The following WDR72 variants were observed in gnomAD, a reference collection of about 807,000 sequenced individuals.
WDR72 encodes the protein WD repeat domain 72.
In WDR72, 120 loss-of-function variants were observed where a neutral mutation model predicts 124.2. The observed-to-expected ratio is 0.97, with a 90% CI of 0.83 to 1.12. The LOEUF (loss-of-function observed/expected upper bound fraction) is 1.12. Among genes scored for constraint, WDR72 ranks in the 50% most tolerant of loss-of-function variants. WDR72 has a pLI of 0.00. For synonymous variants in WDR72, 452 were observed against 441.7 expected (o/e 1.02, Z -0.29); for missense variants, 1,387 against 1,278.8 (o/e 1.08, Z -1.29).
At chr15:53,746,407 C>A (rs1484193804) in intron 1 of WDR72, among the ~76,000 whole-genome samples, 1 of 152,138 alleles carries the variant, frequency 6.6e-6, no homozygotes, top group Non-Finnish European at 1.5e-5. Flanking sequence ...TGACTGAGGA[C>A]AGCCCACTAG....
chr15:53,719,384 C>T (rs2017808396), intron 3 of WDR72, among the ~76,000 whole-genome samples: 1 of 152,128 alleles, frequency 6.6e-6, no homozygotes, highest in African/African-American at 2.4e-5. Context: ...TCACTCTCTT[C>T]CTGGGTAAGT....
Position 53,597,242 on chromosome 15 carries a change from C to T in WDR72, c.2985G>A (p.Ala995=), listed in dbSNP as rs745403939. Residue 995 remains alanine (A), a synonymous_variant, in exon 18 of 20, where the codon GCG becomes GCA. Coordinates refer to ENST00000360509, the MANE Select transcript of WDR72 (RefSeq NM_182758.4). ...VTEAIQAVLL[A]EVQQHMKSLG... ...AACTCTTCATGTGTTGTTGAACTTC[C>T]GCCAAGAGAACAGCTTGTATTGCTT... The T allele has an allele frequency of 4.0e-5, 65 of 1,613,562 alleles. 1 individual carries two copies. Among genetic ancestry groups the T allele is most frequent in the South Asian group, 3.1e-4 (28 of 91,050 alleles).
At chr15:53,757,229 A>G (rs7164670) in intron 1 of WDR72, among the ~76,000 whole-genome samples, 75,362 of 151,958 alleles carry the variant, frequency 0.5, 20,185 homozygotes, top group Middle Eastern at 0.65. Context: ...AATTCAGCCT[A>G]GAGAAGAACT....
At chr15:53,698,509 T>C (rs1306421216) in intron 13 of WDR72, among the ~76,000 whole-genome samples, 1 of 152,234 alleles carries the variant, frequency 6.6e-6, no homozygotes, top group African/African-American at 2.4e-5. Flanking sequence ...TTAGCTCATT[T>C]AATCCTGATA....
At chr15:53,648,194 A>G (rs2015110380) in intron 14 of WDR72, among the ~76,000 whole-genome samples, 1 of 152,160 alleles carries the variant, frequency 6.6e-6, no homozygotes, top group Admixed American at 6.6e-5. Flanking sequence ...AAATTCATTA[A>G]TAAGCCAAAT....
At chr15:53,698,991 C>A (rs916732715) in intron 13 of WDR72, among the ~76,000 whole-genome samples, 1 of 152,108 alleles carries the variant, frequency 6.6e-6, no homozygotes, top group Admixed American at 6.6e-5. Flanking sequence ...AAGAAAATAG[C>A]AATTATTTTG....
chr15:53,751,644 C>T (rs749436174), intron 1 of WDR72, among the ~76,000 whole-genome samples: 4 of 152,104 alleles, frequency 2.6e-5, no homozygotes, highest in African/African-American at 4.8e-5. Context: ...ATGTCTGTAA[C>T]GCCTAAGTTT....
chr15:53,551,493 A>G (rs1437545385), intron 18 of WDR72, among the ~76,000 whole-genome samples: 2 of 152,186 alleles, frequency 1.3e-5, no homozygotes, highest in Non-Finnish European at 2.9e-5. Context: ...TGCACCCAGA[A>G]TCAGGAGATG....
intron 1 of WDR72, among the ~76,000 whole-genome samples, chr15:53,737,788 T>C (rs769622914): frequency 1.3e-5 from 2 of 152,188 alleles, no homozygotes; most frequent in Non-Finnish European, 2.9e-5. Context: ...TTGAACCACA[T>C]AATTTGTATT....
intron 14 of WDR72, chr15:53,651,994 T>C (rs1202594111): frequency 6.6e-6 from 1 of 152,224 alleles, no homozygotes; most frequent in Non-Finnish European, 1.5e-5. Flanking sequence ...CTCGGCCTTC[T>C]GGCTAAGATC....
At chr15:53,656,469 C>T (rs1404290693) in intron 14 of WDR72, among the ~76,000 whole-genome samples, 2 of 151,948 alleles carry the variant, frequency 1.3e-5, no homozygotes, top group African/African-American at 2.4e-5. Context: ...AAAATAAATG[C>T]TTTCTTTTTT....
intron 13 of WDR72, among the ~76,000 whole-genome samples, chr15:53,675,897 T>C (rs913110434): frequency 8.5e-5 from 13 of 152,146 alleles, no homozygotes; most frequent in South Asian, 2.1e-4. Flanking sequence ...AAGGATATAG[T>C]AGAGATGAGA....
intron 18 of WDR72, among the ~76,000 whole-genome samples, chr15:53,543,071 A>G (rs1293609643): frequency 9.5e-5 from 14 of 146,634 alleles, no homozygotes; most frequent in South Asian, 6.9e-4. Context: ...CACTGTCAAC[A>G]TTAGACAGAT....
intron 14 of WDR72, among the ~76,000 whole-genome samples, chr15:53,634,385 C>A (rs913925145): frequency 2.0e-5 from 3 of 152,200 alleles, no homozygotes; most frequent in Non-Finnish European, 4.4e-5. Flanking sequence ...AGCCTGTCCC[C>A]TCTAACCCAG....
intron 17 of WDR72, among the ~76,000 whole-genome samples, chr15:53,598,423 G>A (rs555905039): frequency 2.2e-4 from 33 of 152,172 alleles, no homozygotes; most frequent in African/African-American, 7.9e-4. Flanking sequence ...AGACAACACC[G>A]AGAGTGGTGA....
chr15:53,630,521 A>G (rs556883606), intron 14 of WDR72, among the ~76,000 whole-genome samples: 1 of 152,324 alleles, frequency 6.6e-6, no homozygotes, highest in Admixed American at 6.5e-5. Context: ...ACCATGAACA[A>G]CTAGAATTTA....
At chr15:53,636,986 A>G (rs1253243842) in intron 14 of WDR72, among the ~76,000 whole-genome samples, 1 of 152,076 alleles carries the variant, frequency 6.6e-6, no homozygotes, top group Non-Finnish European at 1.5e-5. Flanking sequence ...CATTTCTTTC[A>G]CCACAAAAAG....
chr15:53,715,452 A>C, intron 4 of WDR72, 85 bp from the exon 5 acceptor site: 1 of 1,514,928 alleles, frequency 6.6e-7, no homozygotes, highest in South Asian at 1.2e-5. Flanking sequence ...TCTAGACTTT[A>C]GTTTTAGCAT....
chr15:53,555,440 G>C (rs1893893529), intron 18 of WDR72, among the ~76,000 whole-genome samples: 1 of 151,984 alleles, frequency 6.6e-6, no homozygotes, highest in African/African-American at 2.4e-5. Flanking sequence ...GAGATAAAGA[G>C]AGAGAGAACA....
Sources: gnomAD v4.1 joint callset for allele counts (sites outside exome capture counted in the v4.1 genomes callset) on GRCh38, gnomAD v4.1.1 for gene constraint, MANE v1.5 for transcripts, NCBI Gene and HGNC (gene_info 2026-07-23, HGNC 2026-07-21) for gene names.